Variants in DZIP1 observed in about 807,000 individuals in gnomAD.
DZIP1 encodes the protein cilium assembly protein DZIP1.
A neutral mutation model predicts 107.6 loss-of-function variants in DZIP1; 97 were observed. The observed-to-expected ratio is 0.90, with a 90% confidence interval of 0.77 to 1.07. DZIP1 has a LOEUF of 1.07. Ranked by LOEUF, DZIP1 falls within the 50% of genes least tolerant of loss-of-function variation. The pLI is 0.00. For missense variants in DZIP1, 1,035 were observed against 1,063.6 expected (o/e 0.97, Z 0.37); for synonymous variants, 390 against 386.4 (o/e 1.01, Z -0.11).
At chr13:95,608,075 A>C (rs1391941344) in intron 13 of DZIP1, among the ~76,000 whole-genome samples, 2 of 152,184 alleles carry the variant, frequency 1.3e-5, no homozygotes, top group East Asian at 3.8e-4. Flanking sequence ...CTTGGCTTTT[A>C]GATCCTTTTG....
chr13:95,639,028 T>C (rs950247149), intron 5 of DZIP1, among the ~76,000 whole-genome samples: 3 of 152,202 alleles, frequency 2.0e-5, no homozygotes, highest in Non-Finnish European at 4.4e-5. Flanking sequence ...CAAAACGTTT[T>C]TCCCTCATTC....
intron 11 of DZIP1, 123 bp downstream of exon 11, chr13:95,611,914 G>A: frequency 8.0e-7 from 1 of 1,254,828 alleles, no homozygotes; most frequent in Non-Finnish European, 1.1e-6. Flanking sequence ...GCAATCACAA[G>A]GGGAAAAATA....
chr13:95,616,354 T>C (rs1430108204), intron 10 of DZIP1, among the ~76,000 whole-genome samples: 1 of 152,104 alleles, frequency 6.6e-6, no homozygotes, highest in Non-Finnish European at 1.5e-5. Flanking sequence ...TCAGCCTTTC[T>C]CCATCTATGA....
intron 8 of DZIP1, 91 bp downstream of exon 8, chr13:95,624,677 A>C (rs1296544586): frequency 2.6e-6 from 3 of 1,157,180 alleles, no homozygotes; most frequent in Non-Finnish European, 3.7e-6. Flanking sequence ...GGTAACATAA[A>C]GTAACTGCTG....
chr13:95,641,903 G>T lies in DZIP1; in HGVS notation c.37-48C>A, dbSNP rs1255090808. 2.1e-6 allele frequency: 3 copies of T among 1,435,630 alleles called. No individual in the cohort carries two copies. Among genetic ancestry groups the T allele is most frequent in the South Asian group, 3.0e-5 (2 of 67,696 alleles). 88.9% of individuals were successfully genotyped at this position (1,435,630 alleles called of 1,614,324 possible). A position where few individuals can be genotyped will look rare whatever the true frequency, so the allele number is the denominator to read the frequency against. ...GCGGCGGGAGGCGGGGATGGGGGGC[G>T]GGCAGGCTGGGGAGCTGGGGGTCCG... On this transcript the variant is annotated intron_variant, in intron 4 of 22. Coordinates refer to ENST00000376829, the MANE Select transcript of DZIP1 (RefSeq NM_198968.4). This position sits in a 1 kb window ranked among gnomAD's most constrained non-coding sequence, Gnocchi z 4.3.
chr13:95,615,929 A>G (rs1230489997), intron 10 of DZIP1, among the ~76,000 whole-genome samples: 1 of 152,226 alleles, frequency 6.6e-6, no homozygotes, highest in Non-Finnish European at 1.5e-5. Flanking sequence ...AAATGTTCCC[A>G]TGAAACCAAA....
In DZIP1 at chr13:95,587,717, A is replaced by G. The variant is rs2044201453; in HGVS notation, c.2040T>C (p.Phe680=). 1.2e-6 allele frequency: 2 copies of G among 1,613,882 alleles called. No homozygotes were observed. The highest frequency in any genetic ancestry group is 4.5e-5 in the East Asian group (2 of 44,872). The change falls in exon 20 of 23, where the codon TTT becomes TTC. Residue 680 remains phenylalanine (F), a synonymous_variant. Transcript: ENST00000376829. ...RKSSTITTPP[F]SSEEEQEDDD... ...CGTCCTCCTGCTCCTCCTCTGAACT[A>G]AAAGGAGGGGTCCTACACAAATCAA...
rs2044548792 is a variant in DZIP1, at chr13:95,599,390, T to C, written c.1512A>G (p.Ile504Met). 1.9e-6 allele frequency: 3 copies of C among 1,613,798 alleles called. No individual in the cohort carries two copies. The East Asian group carries it at 6.7e-5, about 36-fold the overall frequency. ...CTTTTTCTTCCTCTGAAAGTTCTTCTATTGGTTCCAGTATGTGCGACGAGA... is the reference window on the plus strand; with the variant it reads ...CTTTTTCTTCCTCTGAAAGTTCTTCCATTGGTTCCAGTATGTGCGACGAGA... The part of the protein sequence containing the change: ...QAFSSHILEP[I>M]EELSEEEKGR... Residue 504 changes from isoleucine to methionine, a missense_variant, in exon 15 of 23, where the codon ATA becomes ATG. Ile to Met is a conservative substitution (Grantham distance 10, BLOSUM62 1). Coordinates refer to ENST00000376829, the MANE Select transcript of DZIP1 (RefSeq NM_198968.4).
intron 15 of DZIP1, among the ~76,000 whole-genome samples, chr13:95,598,136 A>C (rs2138929452): frequency 6.6e-6 from 1 of 152,348 alleles, no homozygotes; most frequent in African/African-American, 2.4e-5. Context: ...ATGTACCTAT[A>C]GTCACTCTTG....
At chr13:95,622,240 A>G in intron 9 of DZIP1, 103 bp downstream of exon 9, 1 of 1,443,290 alleles carries the variant, frequency 6.9e-7, no homozygotes, top group Non-Finnish European at 9.5e-7. Flanking sequence ...CTTCAGGGTT[A>G]CTAAAAAAGA....
intron 7 of DZIP1, 52 bp from the exon 8 acceptor site, chr13:95,624,981 G>A (rs1330368564): frequency 1.0e-5 from 15 of 1,465,832 alleles, no homozygotes; most frequent in Non-Finnish European, 1.4e-5. Flanking sequence ...AAGAAAATAA[G>A]CAATATTTAA....
intron 10 of DZIP1, among the ~76,000 whole-genome samples, chr13:95,613,223 C>A (rs1037528077): frequency 1.3e-5 from 2 of 152,034 alleles, no homozygotes; most frequent in Admixed American, 6.6e-5. Flanking sequence ...AAAGGGGGGG[C>A]GGCTTGAGGC....
At chr13:95,639,989 TTTTTA>T (rs1447384933) in intron 5 of DZIP1, among the ~76,000 whole-genome samples, 1 of 128,422 alleles carries the variant, frequency 7.8e-6, no homozygotes, top group African/African-American at 2.6e-5. Context: ...ATCTTTTTTA[TTTTTA>T]TTTATTTTTT....
At position 95,586,102 on chromosome 13, in the gene DZIP1, T is replaced by C. The variant is rs2044153416; in HGVS notation, c.2253A>G (p.Glu751=). Residue 751 remains glutamate (E), a synonymous_variant, in exon 21 of 23, where the codon GAA becomes GAG. Transcript: ENST00000376829. Reference sequence around the variant, plus strand: ...CATTTTTGCGATGTGGAAACATCTTTTCAACTTTTTCAGTAGGTGTTTTAA... The same window carrying C: ...CATTTTTGCGATGTGGAAACATCTTCTCAACTTTTTCAGTAGGTGTTTTAA... ...VAVKTPTEKV[E]KMFPHRKNVN... 6.2e-7 allele frequency: 1 copy of C among 1,611,870 alleles called. No homozygotes were observed. The highest frequency in any genetic ancestry group is 8.5e-7 in the Non-Finnish European group (1 of 1,179,340).
Position 95,644,645 on chromosome 13 carries a change from C to T in DZIP1, c.-794G>A, listed in dbSNP as rs1878914889. On this transcript the variant is annotated 5_prime_UTR_variant, in exon 1 of 23. Transcript: ENST00000376829. ...GGACGACTCAGGATACCCCACCCCC[C>T]TCCCGCCCCCTCCCCTCCGCGATCT... 4 of 150,672 alleles carry T rather than the reference C, an allele frequency of 2.7e-5. No individual in the cohort carries two copies. 9.3% of individuals were successfully genotyped at this position (150,672 alleles called of 1,614,324 possible). A position where few individuals can be genotyped will look rare whatever the true frequency, so the allele number is the denominator to read the frequency against.
chr13:95,635,980 A>AGAAG (rs888967369), intron 5 of DZIP1, among the ~76,000 whole-genome samples: 16 of 140,788 alleles, frequency 1.1e-4, no homozygotes, highest in African/African-American at 3.6e-4. Flanking sequence ...GAAGGTAGGA[A>AGAAG]GAAGGAAGGA....
At chr13:95,631,310 T>C (rs1224744109) in intron 6 of DZIP1, among the ~76,000 whole-genome samples, 5 of 151,380 alleles carry the variant, frequency 3.3e-5, no homozygotes, top group Admixed American at 2.6e-4. Flanking sequence ...AAAAAAGAAA[T>C]ACAAAAACTA....
intron 5 of DZIP1, among the ~76,000 whole-genome samples, chr13:95,635,912 A>AG (rs1463785171): frequency 7.0e-6 from 1 of 143,026 alleles, no homozygotes; most frequent in East Asian, 2.3e-4. Context: ...CAAAGGGAGG[A>AG]GGGGAAAAAA....
intron 10 of DZIP1, among the ~76,000 whole-genome samples, chr13:95,618,601 G>T (rs1057149411): frequency 1.3e-4 from 20 of 152,174 alleles, no homozygotes; most frequent in South Asian, 6.2e-4. Context: ...GCTTTAGTTT[G>T]GCTCTAGTAT....
Sources: gnomAD v4.1 joint callset for allele counts (sites outside exome capture counted in the v4.1 genomes callset) on GRCh38, gnomAD v4.1.1 for gene constraint, Gnocchi (gnomAD v3.1) non-coding constraint, MANE v1.5 for transcripts, NCBI Gene and HGNC (gene_info 2026-07-23, HGNC 2026-07-21) for gene names.